The following WDR20 variants were observed in gnomAD, a reference collection of about 807,000 sequenced individuals.
WDR20 encodes WD repeat-containing protein 20.
In WDR20, 3 loss-of-function variants were observed where a neutral mutation model predicts 38.7. The ratio of observed to expected loss-of-function variants is 0.08; its 90% confidence interval spans 0.04 to 0.20. WDR20 has a LOEUF of 0.20. Among genes scored for constraint, WDR20 ranks in the 10% least tolerant of loss-of-function variants. The pLI is 1.00. For missense variants in WDR20, 559 were observed against 727.7 expected, an observed-to-expected ratio of 0.77 and a Z score of 2.67; for synonymous variants, 298 against 285.6, an observed-to-expected ratio of 1.04 and a Z score of -0.44.
intron 1 of WDR20, among the ~76,000 whole-genome samples, chr14:102,188,872 CAAAAAAAAAAAAAA>C (rs34508888): frequency 1.0e-5 from 1 of 97,544 alleles, no homozygotes; most frequent in Non-Finnish European, 2.0e-5. Context: ...GACCCTGTTT[CAAAAAAAAAAAAAA>C]AAAAAAAAAT....
At chr14:102,148,507 T>C (rs1191877305) in intron 1 of WDR20, among the ~76,000 whole-genome samples, 1 of 149,596 alleles carries the variant, frequency 6.7e-6, no homozygotes, top group Non-Finnish European at 1.5e-5. Flanking sequence ...GCCACTGGAC[T>C]CCAGCCTGGG....
intron 2 of WDR20, among the ~76,000 whole-genome samples, chr14:102,197,508 T>A (rs1351712026): frequency 1.3e-5 from 2 of 152,084 alleles, no homozygotes; most frequent in Non-Finnish European, 2.9e-5. Context: ...TAGAGGAGGG[T>A]AAGGAAGGCC....
chr14:102,210,294 T>G lies in WDR20; in HGVS notation c.*414T>G, dbSNP rs2062293690. 5 of 991,394 alleles carry G rather than the reference T, an allele frequency of 5.0e-6. No homozygotes were observed. In the South Asian group the frequency reaches 2.3e-4, roughly 46 times the overall value. The allele number at this position is 991,394 out of a possible 1,614,324, so 61.4% of individuals were successfully genotyped here. On this transcript the variant is annotated 3_prime_UTR_variant, in exon 3 of 3. Coordinates refer to ENST00000342702, the MANE Select transcript of WDR20 (RefSeq NM_144574.4). ...TATTGTACACCTGATCAATGTGTGT[T>G]CAGCACAGATGGCCATGAATTGTCA...
chr14:102,144,481 CAAA>C (rs760450854), intron 1 of WDR20, among the ~76,000 whole-genome samples: 8 of 73,322 alleles, frequency 1.1e-4, no homozygotes, highest in Admixed American at 3.2e-4. Context: ...GACTCTGTCT[CAAA>C]AAAAAAAAAA....
chr14:102,176,495 G>A (rs1457862371), intron 1 of WDR20, among the ~76,000 whole-genome samples: 3 of 152,148 alleles, frequency 2.0e-5, no homozygotes, highest in Admixed American at 6.5e-5. Flanking sequence ...TCAAGAAATC[G>A]AGACTATCCT....
chr14:102,192,921 C>G (rs1367316108), intron 1 of WDR20, among the ~76,000 whole-genome samples: 2 of 151,966 alleles, frequency 1.3e-5, no homozygotes, highest in African/African-American at 4.8e-5. Context: ...AGTCTTCCCA[C>G]CTCAGCCTCC....
downstream of WDR20, among the ~76,000 whole-genome samples, chr14:102,218,040 C>T (rs1395775696): frequency 1.3e-5 from 2 of 152,208 alleles, no homozygotes; most frequent in African/African-American, 4.8e-5. Context: ...GGCCAGCTGG[C>T]ACCAAGCTCC....
chr14:102,197,665 G>A (rs898106421), intron 2 of WDR20: 8 of 598,608 alleles, frequency 1.3e-5, no homozygotes, highest in South Asian at 2.0e-5. Context: ...TTCATGTCAC[G>A]TGAAGCAATT....
chr14:102,195,008 A>G lies in WDR20; in HGVS notation c.320A>G (p.Asn107Ser), dbSNP rs144497853. The change falls in exon 2 of 3, where the codon AAC (asparagine) becomes AGC (serine). Residue 107 changes from asparagine (N) to serine (S), a missense_variant. Transcript: ENST00000342702. Reference sequence around the variant, plus strand: ...ACACAGCCTACTTGTCATGACTTCAACCACCTAACAGCCACAGCAGAAAGT... The same window carrying G: ...ACACAGCCTACTTGTCATGACTTCAGCCACCTAACAGCCACAGCAGAAAGT... ...KGTQPTCHDF[N>S]HLTATAESVS... is the part of the protein sequence containing the mutation. The G allele has an allele frequency of 1.0e-4, 168 of 1,614,102 alleles. No individual in the cohort carries two copies. The highest frequency in any genetic ancestry group is 1.3e-4 in the Non-Finnish European group (156 of 1,180,046).
At chr14:102,218,396 C>T (rs192717833), downstream of WDR20, among the ~76,000 whole-genome samples, 23 of 152,316 alleles carry the variant, frequency 1.5e-4, no homozygotes, top group Admixed American at 5.9e-4. Flanking sequence ...GCTAGGAGAC[C>T]GTCCAGGCCT....
At chr14:102,173,406 G>A (rs1195335500) in intron 1 of WDR20, among the ~76,000 whole-genome samples, 3 of 150,238 alleles carry the variant, frequency 2.0e-5, no homozygotes, top group Admixed American at 6.6e-5. Flanking sequence ...GTGCCACCGC[G>A]CCCGGCCTGT....
At chr14:102,187,388 G>A (rs1300334531) in intron 1 of WDR20, among the ~76,000 whole-genome samples, 1 of 149,710 alleles carries the variant, frequency 6.7e-6, no homozygotes, top group African/African-American at 2.6e-5. Context: ...GAAGGGGTCT[G>A]GAAGAATGTC....
chr14:102,186,925 G>A (rs1233448264), intron 1 of WDR20, among the ~76,000 whole-genome samples: 1 of 151,392 alleles, frequency 6.6e-6, no homozygotes, highest in East Asian at 1.9e-4. Flanking sequence ...ACTCCAGCCT[G>A]GGGGACAGAA....
intron 1 of WDR20, among the ~76,000 whole-genome samples, chr14:102,144,068 C>A (rs2052609582): frequency 6.6e-6 from 1 of 151,660 alleles, no homozygotes; most frequent in African/African-American, 2.4e-5. Flanking sequence ...CCTGTAGTCA[C>A]AGCTACTTGG....
At chr14:102,174,010 C>CTCCA (rs1450850300) in intron 1 of WDR20, among the ~76,000 whole-genome samples, 1 of 150,008 alleles carries the variant, frequency 6.7e-6, no homozygotes, top group African/African-American at 2.5e-5. Context: ...CGCCATTGCA[C>CTCCA]TCCAGCCTGG....
At chr14:102,150,661 T>G (rs1344549725) in intron 1 of WDR20, among the ~76,000 whole-genome samples, 1 of 152,196 alleles carries the variant, frequency 6.6e-6, no homozygotes, top group Non-Finnish European at 1.5e-5. Flanking sequence ...CTTACTTGGA[T>G]CTCTGCTTTA....
At chr14:102,181,581 A>G (rs1047213440) in intron 1 of WDR20, among the ~76,000 whole-genome samples, 4 of 152,158 alleles carry the variant, frequency 2.6e-5, no homozygotes, top group African/African-American at 4.8e-5. Context: ...TAGATTACAT[A>G]AGATTTTTCC....
Position 102,161,151 on chromosome 14 carries a change from T to TC in WDR20, c.249+20979_249+20980insC, listed in dbSNP as rs2058655692. 4.6e-5 allele frequency among the ~76,000 whole-genome samples: 3 copies of TC among 65,652 alleles called. 1 individual carries two copies. Among genetic ancestry groups the TC allele is most frequent in the African/African-American group, 1.1e-4 (2 of 18,356 alleles). 43.1% of individuals were successfully genotyped at this position (65,652 alleles called of 152,430 possible). A position where few individuals can be genotyped will look rare whatever the true frequency, so the allele number is the denominator to read the frequency against. ...ATATATATATATATATATTTTTTTT[T>TC]TTTTTTTTTTTTTTTTTGAGGCAGA... is the stretch of plus-strand genomic sequence containing the variant. On this transcript the variant is annotated intron_variant, in intron 1 of 2. Coordinates refer to ENST00000342702, the MANE Select transcript of WDR20 (RefSeq NM_144574.4).
chr14:102,143,155 T>TG (rs2052104627), intron 1 of WDR20, among the ~76,000 whole-genome samples: 1 of 152,136 alleles, frequency 6.6e-6, no homozygotes, highest in African/African-American at 2.4e-5. Flanking sequence ...TTTTTTCTCA[T>TG]AGTAAGGAAA....
Sources: gnomAD v4.1 joint callset for allele counts (sites outside exome capture counted in the v4.1 genomes callset) on GRCh38, gnomAD v4.1.1 for gene constraint, MANE v1.5 for transcripts, NCBI Gene and HGNC (gene_info 2026-07-23, HGNC 2026-07-21) for gene names.